Variants in ERICH6 observed in about 807,000 individuals in gnomAD.
ERICH6 encodes glutamate-rich protein 6.
A neutral mutation model predicts 71.0 loss-of-function variants in ERICH6; 71 were observed. The ratio of observed to expected loss-of-function variants is 1.00; its 90% CI spans 0.83 to 1.22. The LOEUF (loss-of-function observed/expected upper bound fraction) is 1.22. ERICH6 is among the 50% of genes most tolerant of loss of function. The probability of loss-of-function intolerance (pLI) is 0.00; values close to 1 mark genes in which losing one functional copy is unlikely to be tolerated. For synonymous variants in ERICH6, 262 were observed against 278.4 expected (o/e 0.94, Z 0.59); for missense variants, 808 against 797.2 (o/e 1.01, Z -0.16).
At position 150,682,195 on chromosome 3, in the gene ERICH6, A is replaced by G. The variant is rs201064066; in HGVS notation, c.882+23T>C. On this transcript the variant is annotated intron_variant, in intron 7 of 13. Transcript: ENST00000295910. Reference sequence around the variant, plus strand: ...TGTTTAAAGATAATACTATTTCCACAGTAAACCTGACTTAGAACTTACATG... The same window carrying G: ...TGTTTAAAGATAATACTATTTCCACGGTAAACCTGACTTAGAACTTACATG... 18 of 1,567,568 alleles carry G rather than the reference A, an allele frequency of 1.1e-5. No individual in the cohort carries two copies. In the East Asian group the frequency reaches 3.8e-4, roughly 33 times the overall value.
At chr3:150,692,489 G>C (rs1452635893) in intron 3 of ERICH6, among the ~76,000 whole-genome samples, 1 of 151,966 alleles carries the variant, frequency 6.6e-6, no homozygotes, top group African/African-American at 2.4e-5. Flanking sequence ...AATCCTTTAA[G>C]ATATTAGGTT....
At chr3:150,683,435 CAG>C in intron 6 of ERICH6, among the ~76,000 whole-genome samples, 1 of 152,244 alleles carries the variant, frequency 6.6e-6, no homozygotes, top group African/African-American at 2.4e-5. Context: ...CTTTCACCCT[CAG>C]CTAGGGGTGA....
chr3:150,697,952 C>T lies in ERICH6; in HGVS notation c.553+839G>A, dbSNP rs560450492. Among the ~76,000 whole-genome samples, 14 of 152,242 alleles carry T rather than the reference C, an allele frequency of 9.2e-5. No individual in the cohort carries two copies. The South Asian group carries it at 2.9e-3, about 32-fold the overall frequency. On this transcript the variant is annotated intron_variant, in intron 3 of 13. Transcript: ENST00000295910. ...GTTCTAGAAGGAGGCACTTGCTGTT[C>T]CCTTGCCTGGAACACCTTTCCTGTG...
intron 10 of ERICH6, among the ~76,000 whole-genome samples, chr3:150,677,244 ACC>A: frequency 6.6e-6 from 1 of 152,082 alleles, no homozygotes; most frequent in Non-Finnish European, 1.5e-5. Flanking sequence ...TGCCTGGTTC[ACC>A]CCTTAAATTC....
intron 3 of ERICH6, among the ~76,000 whole-genome samples, chr3:150,697,063 C>A (rs1346005787): frequency 6.6e-6 from 1 of 152,020 alleles, no homozygotes. Flanking sequence ...TATTATGCAA[C>A]AATTACAAAG....
At chr3:150,690,321 T>C (rs1712380069) in intron 3 of ERICH6, among the ~76,000 whole-genome samples, 1 of 152,216 alleles carries the variant, frequency 6.6e-6, no homozygotes, top group South Asian at 2.1e-4. Context: ...TTGTTTCCTT[T>C]AATATGCAAA....
intron 3 of ERICH6, among the ~76,000 whole-genome samples, chr3:150,687,468 G>GTTTTCTGCTTC (rs1446948846): frequency 3.9e-5 from 6 of 152,110 alleles, no homozygotes; most frequent in Non-Finnish European, 7.4e-5. Flanking sequence ...ATACCCTTTT[G>GTTTTCTGCTTC]TTTTCTGCTT....
In ERICH6 at chr3:150,698,798, C is replaced by T. The variant is rs527398470; in HGVS notation, c.546G>A (p.Val182=). The T allele has an allele frequency of 4.4e-5, 71 of 1,613,154 alleles. No individual in the cohort carries two copies. In the South Asian group the frequency reaches 7.5e-4, roughly 17 times the overall value. The change falls in exon 3 of 14, where the codon GTG becomes GTA. Residue 182 remains valine, a synonymous_variant. Coordinates refer to ENST00000295910, the MANE Select transcript of ERICH6 (RefSeq NM_152394.5). The part of the protein sequence containing the change: ...ESWLQDLSDK[V]QSRKKASKEK... ...AGAAATCAAACTACTCACTCGATTG[C>T]ACTTTATCAGACAAATCTTGGAGCC...
At position 150,682,334 on chromosome 3, in the gene ERICH6, A is replaced by G; in HGVS notation, c.784-18T>C. The G allele has an allele frequency of 6.3e-7, 1 of 1,598,686 alleles. No individual in the cohort carries two copies. Among genetic ancestry groups the G allele is most frequent in the Non-Finnish European group, 8.5e-7 (1 of 1,170,872 alleles). On this transcript the variant is annotated intron_variant, in intron 6 of 13. Transcript: ENST00000295910. Reference sequence around the variant, plus strand: ...TCTTCATCCTTCAGAGAGAGAGGAAAAAAATTAAAGAAGTCCCCACAAAGA... The same window carrying G: ...TCTTCATCCTTCAGAGAGAGAGGAAGAAAATTAAAGAAGTCCCCACAAAGA...
At chr3:150,668,921 T>A (rs759178081) in intron 12 of ERICH6, among the ~76,000 whole-genome samples, 3 of 152,206 alleles carry the variant, frequency 2.0e-5, no homozygotes, top group Non-Finnish European at 4.4e-5. Context: ...TATTGACAAG[T>A]TGTTTACATA....
chr3:150,700,381 A>G (rs935466231), intron 2 of ERICH6, among the ~76,000 whole-genome samples: 2 of 151,472 alleles, frequency 1.3e-5, no homozygotes, highest in African/African-American at 4.9e-5. Context: ...AAAATGAAGA[A>G]ATTTCAAAGC....
At chr3:150,669,022 G>GT (rs796298189) in intron 12 of ERICH6, among the ~76,000 whole-genome samples, 27 of 152,174 alleles carry the variant, frequency 1.8e-4, no homozygotes, top group African/African-American at 6.3e-4. Context: ...CATTTATCAA[G>GT]TTTTTTTGTA....
chr3:150,669,822 C>T (rs770917632), intron 11 of ERICH6, among the ~76,000 whole-genome samples: 3 of 152,150 alleles, frequency 2.0e-5, no homozygotes, highest in Non-Finnish European at 4.4e-5. Flanking sequence ...CAAGTTTCAG[C>T]CCTCTTAATA....
At chr3:150,688,477 T>A (rs1426792015) in intron 3 of ERICH6, among the ~76,000 whole-genome samples, 1 of 152,202 alleles carries the variant, frequency 6.6e-6, no homozygotes, top group Non-Finnish European at 1.5e-5. Flanking sequence ...TACATTGCTG[T>A]CTTAGTTCAT....
rs1320371720 is a variant in ERICH6 at position 150,678,539 on chromosome 3, T to C, written c.1127A>G (p.Lys376Arg). 1.9e-6 allele frequency: 3 copies of C among 1,598,364 alleles called. No homozygotes were observed. In the South Asian group the frequency reaches 3.4e-5, roughly 18 times the overall value. Residue 376 changes from lysine (K) to arginine (R), a missense_variant, in exon 10 of 14, where the codon AAA (lysine) becomes AGA (arginine). This residue lies in a region of ERICH6 where 736 missense variants were observed against 712.2 expected (regional missense o/e 1.03). Coordinates refer to ENST00000295910, the MANE Select transcript of ERICH6 (RefSeq NM_152394.5). ...CACAGAAAGTTGATAAGAAATTGTT[T>C]TTAAGCGCTTTGAATCTAGTGGGAA... ...HFSEDDSKRL[K>R]TISYQLSVDI...
Position 150,669,451 on chromosome 3 carries a change from G to A in ERICH6, c.1344C>T (p.Phe448=), listed in dbSNP as rs750825132. ...TGATGGCTAGGTTTCCAGATGGATA[G>A]CTGAGATCAGATAAGGTCATATAAA... is the stretch of plus-strand genomic sequence containing the variant. ...TSFPDGTTQI[F]YPSGNLAIIR... is the part of the protein sequence containing the mutation. The change falls in exon 12 of 14, where the codon TTC becomes TTT. Residue 448 remains phenylalanine, a splice_region_variant and synonymous_variant. Transcript: ENST00000295910. 12 of 1,613,148 alleles carry A rather than the reference G, an allele frequency of 7.4e-6. No homozygotes were observed. Among genetic ancestry groups the A allele is most frequent in the Non-Finnish European group, 9.3e-6 (11 of 1,179,666 alleles).
At chr3:150,686,540 C>G (rs1712198779) in intron 3 of ERICH6, among the ~76,000 whole-genome samples, 186 bp from the exon 4 acceptor site, 2 of 152,170 alleles carry the variant, frequency 1.3e-5, no homozygotes, top group African/African-American at 4.8e-5. Context: ...AGTTAGCATT[C>G]TATATATCAC....
At chr3:150,701,928 A>G (rs930237699) in intron 2 of ERICH6, among the ~76,000 whole-genome samples, 193 bp downstream of exon 2, 3 of 152,174 alleles carry the variant, frequency 2.0e-5, no homozygotes, top group African/African-American at 7.2e-5. Context: ...CTCTAGAGCT[A>G]GGTAATAAGC....
intron 13 of ERICH6, 65 bp from the exon 14 acceptor site, chr3:150,660,220 A>T (rs182645991): frequency 5.8e-6 from 9 of 1,559,058 alleles, no homozygotes; most frequent in East Asian, 2.3e-5. Context: ...AGGTGGGAGG[A>T]GCTGAGTCAT....
Sources: allele counts gnomAD v4.1 joint callset (sites outside exome capture counted in the v4.1 genomes callset), GRCh38; gene constraint gnomAD v4.1.1; regional missense constraint gnomAD v4.1.1; transcripts MANE v1.5; gene names NCBI Gene and HGNC (gene_info 2026-07-23, HGNC 2026-07-21).